The following NSMF variants were observed in gnomAD, a reference collection of about 807,000 sequenced individuals.
NSMF encodes nasal embryonic LHRH factor.
Under a neutral mutation model 71.0 loss-of-function variants are expected in NSMF, and 31 were observed. That is an observed-to-expected ratio of 0.44 (90% CI 0.33 to 0.59). The LOEUF is 0.59. NSMF is among the 20% of genes least tolerant of loss of function. NSMF has a pLI of 0.04. For missense variants in NSMF, 673 were observed against 740.5 expected (o/e 0.91, Z 1.06); for synonymous variants, 345 against 287.1 (o/e 1.20, Z -2.04).
In NSMF at chr9:137,447,904, A is replaced by C. The variant is rs1008745330; in HGVS notation, c.*1490T>G. The C allele has an allele frequency of 3.3e-5, 5 of 152,120 alleles. No individual in the cohort carries two copies. Among genetic ancestry groups the C allele is most frequent in the Admixed American group, 1.3e-4 (2 of 15,280 alleles). The allele number at this position is 152,120 out of a possible 1,614,324, so 9.4% of individuals were successfully genotyped here. On this transcript the variant is annotated 3_prime_UTR_variant, in exon 16 of 16. Transcript: ENST00000371475. Reference sequence around the variant, plus strand: ...TCTGTGGCCACACTGCTGACTGCACACACAGTGTGGCGTGAGGGACATACA... The same window carrying C: ...TCTGTGGCCACACTGCTGACTGCACCCACAGTGTGGCGTGAGGGACATACA...
Position 137,454,245 on chromosome 9 carries a change from G to A in NSMF, c.832+146C>T. On this transcript the variant is annotated intron_variant, in intron 7 of 15. Transcript: ENST00000371475. ...GGAGGGGAGGAGCCTGGGCCGGGCT[G>A]GGGAAGTGGCTGGAAGGGGAGGAGC... 2.5e-6 allele frequency: 2 copies of A among 793,032 alleles called. 1 individual carries two copies. Among genetic ancestry groups the A allele is most frequent in the Non-Finnish European group, 4.3e-6 (2 of 468,554 alleles). The allele number at this position is 793,032 out of a possible 1,614,324, so 49.1% of individuals were successfully genotyped here.
In NSMF at chr9:137,453,807, C is replaced by G. The variant is rs1219800250; in HGVS notation, c.846G>C (p.Arg282=). The change falls in exon 8 of 16, where the codon CGG becomes CGC. Residue 282 remains arginine (R), a synonymous_variant. Transcript: ENST00000371475. This position sits in a 1 kb window ranked among gnomAD's most constrained non-coding sequence, Gnocchi z 4.5. The part of the protein sequence containing the change: ...RRVKAQTFAE[R]RERSFSRSWS... ...AGGACCGGCTGAAGCTCCGCTCGCGCCGCTCAGCGAACGCTGCAGAGAGCA... is the reference window on the plus strand; with the variant it reads ...AGGACCGGCTGAAGCTCCGCTCGCGGCGCTCAGCGAACGCTGCAGAGAGCA... 1.3e-6 allele frequency: 2 copies of G among 1,593,572 alleles called. No homozygotes were observed. Among genetic ancestry groups the G allele is most frequent in the East Asian group, 2.2e-5 (1 of 44,558 alleles).
At chr9:137,450,394 C>CG in intron 12 of NSMF, 139 bp from the exon 13 acceptor site, 1 of 692,922 alleles carries the variant, frequency 1.4e-6, no homozygotes, top group South Asian at 1.4e-5. Flanking sequence ...CCCCACCACA[C>CG]GTCTTTCCCT....
chr9:137,454,239 C>G, intron 7 of NSMF, 152 bp downstream of exon 7: 1 of 665,940 alleles, frequency 1.5e-6, no homozygotes, highest in East Asian at 3.0e-5. Context: ...GAGCCTGGGC[C>G]GGGCTGGGGA....
Position 137,452,816 on chromosome 9 carries a change from T to C in NSMF, c.1051A>G (p.Ile351Val). Residue 351 changes from isoleucine (I) to valine (V), a missense_variant, in exon 10 of 16, where the codon ATT becomes GTT. By Grantham distance (29) the Ile-to-Val change is conservative. Transcript: ENST00000371475. ...EGFVPPKVML[I>V]SSKVPKAEYI... ...TCAGCCTTGGGCACCTTGGAGGAAA[T>C]GAGCTGCGGAGACAAAGAGCTGCTC... 6.2e-7 allele frequency: 1 copy of C among 1,600,226 alleles called. No individual in the cohort carries two copies. Among genetic ancestry groups the C allele is most frequent in the Non-Finnish European group, 8.5e-7 (1 of 1,174,814 alleles).
chr9:137,452,985 G>A, intron 9 of NSMF, 71 bp downstream of exon 9: 1 of 1,603,274 alleles, frequency 6.2e-7, no homozygotes. Context: ...CCCAGGCAGA[G>A]CTGGCTGGAC....
chr9:137,454,808 G>A (rs1830750883), intron 6 of NSMF: 2 of 1,345,536 alleles, frequency 1.5e-6, no homozygotes, highest in Middle Eastern at 2.0e-4. Flanking sequence ...GCAGAGCGGG[G>A]CTCCTGTCTG....
At chr9:137,458,885 G>A (rs556695468) in intron 1 of NSMF, 147 bp downstream of exon 1, 33 of 656,478 alleles carry the variant, frequency 5.0e-5, no homozygotes, top group African/African-American at 7.8e-5. Context: ...AGGGGACCAG[G>A]AAGAGGGAGG....
In NSMF at chr9:137,449,116, A is replaced by G. The variant is rs753324883; in HGVS notation, c.*278T>C. The G allele has an allele frequency of 3.5e-5, 20 of 570,390 alleles. No homozygotes were observed. Among genetic ancestry groups the G allele is most frequent in the South Asian group, 1.0e-4 (5 of 49,862 alleles). The allele number at this position is 570,390 out of a possible 1,614,324, so 35.3% of individuals were successfully genotyped here. On this transcript the variant is annotated 3_prime_UTR_variant, in exon 16 of 16. Coordinates refer to ENST00000371475, the MANE Select transcript of NSMF (RefSeq NM_001130969.3). ...CCCCATGGAGGGATGCCCACAGCTG[A>G]GCCTCCAGGCGAGGCATGGCAGGTC...
At position 137,453,324 on chromosome 9, in the gene NSMF, C is replaced by A; in HGVS notation, c.923-144G>T. 1.7e-6 allele frequency: 2 copies of A among 1,167,338 alleles called. No homozygotes were observed. The highest frequency in any genetic ancestry group is 1.2e-6 in the Non-Finnish European group (1 of 819,884). The allele number at this position is 1,167,338 out of a possible 1,614,324, so 72.3% of individuals were successfully genotyped here. A position where few individuals can be genotyped will look rare whatever the true frequency, so the allele number is the denominator to read the frequency against. ...AGGACCATACAGAGGTCGCCGCCAG[C>A]CCGGCAGGACAGGCCTGTGGACACC... On this transcript the variant is annotated intron_variant, in intron 8 of 15. Coordinates refer to ENST00000371475, the MANE Select transcript of NSMF (RefSeq NM_001130969.3). This position sits in a 1 kb window ranked among gnomAD's most constrained non-coding sequence, Gnocchi z 4.5.
chr9:137,457,504 G>A lies in NSMF; in HGVS notation c.531C>T (p.Pro177=). The change falls in exon 3 of 16, where the codon CCC becomes CCT. Residue 177 remains proline, a synonymous_variant. Transcript: ENST00000371475. ...CPGCAQLAPG[P]TPRAFGLDQP... ...GGTCCAGCCCAAAGGCCCGAGGGGTGGGGCCAGGAGCCAGCTGGGCACATC... is the reference window on the plus strand; with the variant it reads ...GGTCCAGCCCAAAGGCCCGAGGGGTAGGGCCAGGAGCCAGCTGGGCACATC... 1 of 1,611,698 alleles carries A rather than the reference G, an allele frequency of 6.2e-7. No individual in the cohort carries two copies. Among genetic ancestry groups the A allele is most frequent in the Non-Finnish European group, 8.5e-7 (1 of 1,179,522 alleles).
At chr9:137,458,021 G>T in intron 2 of NSMF, 120 bp from the exon 3 acceptor site, 2 of 1,384,088 alleles carry the variant, frequency 1.4e-6, no homozygotes, top group Non-Finnish European at 2.0e-6. Flanking sequence ...GACTAGGGCT[G>T]CCCAAACCCT....
chr9:137,456,213 G>C (rs1019599064), intron 4 of NSMF, among the ~76,000 whole-genome samples, 198 bp downstream of exon 4: 14 of 152,102 alleles, frequency 9.2e-5, no homozygotes, highest in Admixed American at 2.6e-4. Flanking sequence ...TGTGTGGGGG[G>C]GGGGGCTGGG....
chr9:137,452,833 GA>G lies in NSMF; in HGVS notation c.1048-15del. 6.3e-7 allele frequency: 1 copy of G among 1,592,324 alleles called. No individual in the cohort carries two copies. The highest frequency in any genetic ancestry group is 1.8e-5 in the Admixed American group (1 of 55,402). ...GGAGGAAATGAGCTGCGGAGACAAA[GA>G]GCTGCTCAGGGGCCCCAGGCCCATC... On this transcript the variant is annotated splice_polypyrimidine_tract_variant and intron_variant, in intron 9 of 15. Coordinates refer to ENST00000371475, the MANE Select transcript of NSMF (RefSeq NM_001130969.3).
rs934351228 is a variant in NSMF, at chr9:137,459,160, C to T, written c.-58G>A. ...GAGCGCGCCCCGCGCCCGCCGCCTC[C>T]GCCGGGGTAGCCGCGCCGCACCGGG... On this transcript the variant is annotated 5_prime_UTR_variant, in exon 1 of 16. Coordinates refer to ENST00000371475, the MANE Select transcript of NSMF (RefSeq NM_001130969.3). 7 of 1,132,662 alleles carry T rather than the reference C, an allele frequency of 6.2e-6. No homozygotes were observed. In the African/African-American group the frequency reaches 8.2e-5, roughly 13 times the overall value. 70.2% of individuals were successfully genotyped at this position (1,132,662 alleles called of 1,614,324 possible).
At position 137,457,847 on chromosome 9, in the gene NSMF, G is replaced by A. The variant is rs747034702; in HGVS notation, c.188C>T (p.Pro63Leu). The A allele has an allele frequency of 1.2e-5, 18 of 1,553,372 alleles. No individual in the cohort carries two copies. Among genetic ancestry groups the A allele is most frequent in the Non-Finnish European group, 1.6e-5 (18 of 1,149,416 alleles). ...CAGGCGGCGCTTGTTCTGGGGGGCC[G>A]GCTGCATCTCGGGGGACCCGTCGTG... is the stretch of plus-strand genomic sequence containing the variant. ...SGHDGSPEMQ[P>L]APQNKRRLSL... Residue 63 changes from proline (P) to leucine (L), a missense_variant, in exon 3 of 16, where the codon CCG becomes CTG. This residue lies in a region of NSMF where 471 missense variants were observed against 459.6 expected (regional missense o/e 1.02). Transcript: ENST00000371475.
chr9:137,451,747 C>T (rs1484560677), intron 12 of NSMF, among the ~76,000 whole-genome samples: 1 of 65,554 alleles, frequency 1.5e-5, no homozygotes, highest in Non-Finnish European at 3.1e-5. Flanking sequence ...TCCCCCGCCA[C>T]GTCTCTTCTC....
chr9:137,454,023 G>C (rs568177925), intron 7 of NSMF, among the ~76,000 whole-genome samples: 2 of 151,700 alleles, frequency 1.3e-5, no homozygotes, highest in African/African-American at 2.4e-5. Context: ...GCCAGAGGCG[G>C]AGTCTGGGAA....
intron 1 of NSMF, 37 bp from the exon 2 acceptor site, chr9:137,458,586 C>T (rs1333769197): frequency 1.9e-5 from 30 of 1,556,572 alleles, no homozygotes; most frequent in Non-Finnish European, 2.5e-5. Flanking sequence ...GAGGCCACGG[C>T]ACGACCCTCC....
Sources: gnomAD v4.1 joint callset for allele counts (sites outside exome capture counted in the v4.1 genomes callset) on GRCh38, gnomAD v4.1.1 for gene constraint, gnomAD v4.1.1 regional missense constraint, Gnocchi (gnomAD v3.1) non-coding constraint, MANE v1.5 for transcripts, NCBI Gene and HGNC (gene_info 2026-07-23, HGNC 2026-07-21) for gene names.